The following SESN1 variants were observed in gnomAD, a reference collection of about 807,000 sequenced individuals.
The protein encoded by SESN1 is sestrin 1.
In SESN1, 30 loss-of-function variants were observed where a neutral mutation model predicts 59.3. The observed-to-expected ratio is 0.51, with a 90% CI of 0.38 to 0.69. SESN1 has a LOEUF of 0.69. Among genes scored for constraint, SESN1 ranks in the 30% least tolerant of loss-of-function variants. The probability of loss-of-function intolerance (pLI) is 0.00; values close to 1 mark genes in which losing one functional copy is unlikely to be tolerated. For synonymous variants in SESN1, 197 were observed against 219.9 expected (o/e 0.90, Z 0.92); for missense variants, 566 against 673.0 (o/e 0.84, Z 1.76).
Position 108,988,631 on chromosome 6 carries a change from AC to A in SESN1, c.1480del (p.Val494PhefsTer38), listed in dbSNP as rs1473958394. 6.2e-7 allele frequency: 1 copy of A among 1,612,578 alleles called. No homozygotes were observed. Among genetic ancestry groups the A allele is most frequent in the African/African-American group, 1.3e-5 (1 of 74,898 alleles). ...AGTGCAAACAACAGTTTTGATATAA[AC>A]TTTAAAGCTACGATCCAATAGCTGG... ...INQLLDRSFK[V>X]YIKTVVCTPE... On this transcript the variant is annotated frameshift_variant, in exon 9 of 10. Coordinates refer to ENST00000436639, the MANE Select transcript of SESN1 (RefSeq NM_014454.3). LOFTEE classifies it high-confidence loss of function.
At chr6:109,008,114 A>C (rs1256001959) in intron 1 of SESN1, among the ~76,000 whole-genome samples, 1 of 152,224 alleles carries the variant, frequency 6.6e-6, no homozygotes, top group Non-Finnish European at 1.5e-5. Context: ...CGCTGTAACA[A>C]TATGCAAGCC....
intron 1 of SESN1, among the ~76,000 whole-genome samples, chr6:109,040,144 G>A (rs1200212770): frequency 6.6e-6 from 1 of 152,132 alleles, no homozygotes; most frequent in Non-Finnish European, 1.5e-5. Flanking sequence ...TATTTGAATT[G>A]CTAGTCTTCA....
intron 1 of SESN1, among the ~76,000 whole-genome samples, chr6:109,048,627 T>C (rs949759880): frequency 2.0e-5 from 3 of 152,298 alleles, no homozygotes; most frequent in East Asian, 1.9e-4. Context: ...AGCCTGTGGG[T>C]AGATGGCCAC....
chr6:109,066,434 C>G (rs987160679), intron 1 of SESN1, among the ~76,000 whole-genome samples: 1 of 151,704 alleles, frequency 6.6e-6, no homozygotes, highest in Non-Finnish European at 1.5e-5. Flanking sequence ...GAATGTGGAT[C>G]CCTCTGGGAT....
chr6:109,086,220 G>A (rs750395883), intron 1 of SESN1, among the ~76,000 whole-genome samples: 2 of 152,072 alleles, frequency 1.3e-5, no homozygotes, highest in East Asian at 1.9e-4. Context: ...GTGTGGTGGC[G>A]CATACCTGTA....
In SESN1 at chr6:108,985,535, T is replaced by C. The variant is rs1214220576; in HGVS notation, c.*2009A>G. On this transcript the variant is annotated 3_prime_UTR_variant, in exon 10 of 10. Transcript: ENST00000436639. ...AAATGGAAGGCATTGAAACATTAAC[T>C]TTGTATCACATGCACTTTTATTACT... Among the ~76,000 whole-genome samples the C allele has an allele frequency of 6.6e-6, 1 of 152,242 alleles. No homozygotes were observed. Among genetic ancestry groups the C allele is most frequent in the Non-Finnish European group, 1.5e-5 (1 of 68,038 alleles).
At chr6:109,054,484 A>G (rs1780596297) in intron 1 of SESN1, among the ~76,000 whole-genome samples, 1 of 152,186 alleles carries the variant, frequency 6.6e-6, no homozygotes, top group African/African-American at 2.4e-5. Context: ...TTACTGATAA[A>G]AAGATAAAAT....
At chr6:109,061,986 G>C (rs1320992546) in intron 1 of SESN1, among the ~76,000 whole-genome samples, 2 of 152,172 alleles carry the variant, frequency 1.3e-5, no homozygotes, top group African/African-American at 4.8e-5. Flanking sequence ...GGTGCTCTGA[G>C]GAATAATGAG....
At chr6:109,002,832 TAAA>T (rs1474952923) in intron 1 of SESN1, among the ~76,000 whole-genome samples, 1 of 152,144 alleles carries the variant, frequency 6.6e-6, no homozygotes, top group Non-Finnish European at 1.5e-5. Flanking sequence ...TTATGAAAAA[TAAA>T]AACTAAATTC....
At chr6:109,054,071 TTTC>T (rs1465140496) in intron 1 of SESN1, among the ~76,000 whole-genome samples, 2 of 151,974 alleles carry the variant, frequency 1.3e-5, no homozygotes, top group Non-Finnish European at 2.9e-5. Context: ...CTTTTCGTTT[TTTC>T]TTAATTTTTT....
chr6:109,039,172 G>GGAGGAGGAGAAGA (rs1379531057), intron 1 of SESN1, among the ~76,000 whole-genome samples: 1 of 151,716 alleles, frequency 6.6e-6, no homozygotes, highest in Admixed American at 6.6e-5. Context: ...GGAGAAGAAA[G>GGAGGAGGAGAAGA]AAGAAGAAGA....
chr6:109,002,343 C>T lies in SESN1; in HGVS notation c.280G>A (p.Glu94Lys). ...KSEFILKSIQ[E>K]LGIRIPRPLG... is the part of the protein sequence containing the mutation. ...GGTCGAGGAATTCTAATGCCAAGTT[C>T]CTAGAAAAGAAAATTACACCATCTC... Residue 94 changes from glutamate to lysine, a missense_variant and splice_region_variant, in exon 2 of 10, where the codon GAA (glutamate) becomes AAA (lysine). By Grantham distance (56) the Glu-to-Lys change is moderately conservative. Transcript: ENST00000436639. The T allele has an allele frequency of 6.2e-7, 1 of 1,612,672 alleles. No homozygotes were observed.
intron 1 of SESN1, among the ~76,000 whole-genome samples, chr6:109,027,700 C>T (rs1194912463): frequency 6.6e-6 from 1 of 152,032 alleles, no homozygotes; most frequent in Non-Finnish European, 1.5e-5. Context: ...AGGGAGGCTC[C>T]TAACTATCCT....
rs1341157600 is a variant in SESN1, at chr6:108,994,545, C to T, written c.1037G>A (p.Arg346Gln). ...TTCCTGACTTGCCTCTTCTTCATCT[C>T]GACATTCCTGTAACTGCCTCATCTT... is the stretch of plus-strand genomic sequence containing the variant. ...MEKMRQLQECRDEEEASQEEM... is the reference protein window; with the variant it reads ...MEKMRQLQECQDEEEASQEEM... The change falls in exon 6 of 10, where the codon CGA becomes CAA. Residue 346 changes from arginine (R) to glutamine (Q), a missense_variant. Coordinates refer to ENST00000436639, the MANE Select transcript of SESN1 (RefSeq NM_014454.3). 6 of 1,613,522 alleles carry T rather than the reference C, an allele frequency of 3.7e-6. No individual in the cohort carries two copies. The highest frequency in any genetic ancestry group is 3.3e-5 in the Admixed American group (2 of 60,000).
intron 1 of SESN1, among the ~76,000 whole-genome samples, chr6:109,036,368 T>C (rs1361883853): frequency 2.6e-5 from 4 of 152,218 alleles, no homozygotes; most frequent in African/African-American, 9.7e-5. Flanking sequence ...ATTTTAACTT[T>C]AGACTGTAGT....
At chr6:109,009,379 C>T in intron 1 of SESN1, 1 of 1,468,178 alleles carries the variant, frequency 6.8e-7, no homozygotes, top group South Asian at 1.3e-5. Flanking sequence ...TCGCGGCCCC[C>T]GCCGCACTGC....
intron 1 of SESN1, among the ~76,000 whole-genome samples, chr6:109,050,887 C>A (rs903058665): frequency 4.6e-5 from 7 of 152,152 alleles, no homozygotes; most frequent in Admixed American, 6.5e-5. Flanking sequence ...CAAGAAGGAA[C>A]AAACACAGCT....
chr6:109,064,964 A>T (rs1328335115), intron 1 of SESN1, among the ~76,000 whole-genome samples: 9 of 152,294 alleles, frequency 5.9e-5, no homozygotes, highest in South Asian at 4.1e-4. Context: ...GTGACAATTT[A>T]AAAAAGTTAT....
intron 1 of SESN1, among the ~76,000 whole-genome samples, chr6:109,042,012 A>C (rs1466522001): frequency 6.6e-6 from 1 of 152,162 alleles, no homozygotes; most frequent in Non-Finnish European, 1.5e-5. Context: ...CTCTGATCAT[A>C]ACGAAATCAC....
Sources: allele counts gnomAD v4.1 joint callset (sites outside exome capture counted in the v4.1 genomes callset), GRCh38; gene constraint gnomAD v4.1.1; transcripts MANE v1.5; gene names NCBI Gene and HGNC (gene_info 2026-07-23, HGNC 2026-07-21).